The following TAPT1 variants were observed in gnomAD, a reference collection of about 807,000 sequenced individuals.
The protein encoded by TAPT1 is transmembrane anterior posterior transformation protein 1 homolog.
TAPT1 carries 28 observed loss-of-function variants against 65.6 expected under a neutral mutation model. That is an observed-to-expected ratio of 0.43 (90% confidence interval 0.32 to 0.59). The LOEUF is 0.59. Ranked by LOEUF, TAPT1 falls within the 20% of genes least tolerant of loss-of-function variation. The pLI is 0.09. For synonymous variants in TAPT1, 278 were observed against 245.2 expected (o/e 1.13, Z -1.25); for missense variants, 563 against 679.9 (o/e 0.83, Z 1.91).
intron 1 of TAPT1, among the ~76,000 whole-genome samples, chr4:16,216,366 C>T (rs1026111954): frequency 6.6e-6 from 1 of 152,222 alleles, no homozygotes; most frequent in African/African-American, 2.4e-5. Context: ...TATACCTACT[C>T]TGTTTCCTAC....
chr4:16,181,847 C>T (rs1018652789), intron 7 of TAPT1, among the ~76,000 whole-genome samples: 6 of 152,130 alleles, frequency 3.9e-5, no homozygotes, highest in Non-Finnish European at 5.9e-5. Context: ...GGATTACAGG[C>T]GTGAGCCACT....
At chr4:16,186,438 C>T in intron 7 of TAPT1, 97 bp downstream of exon 7, 3 of 757,276 alleles carry the variant, frequency 4.0e-6, no homozygotes, top group African/African-American at 3.5e-5. Flanking sequence ...ACAGTTTAAG[C>T]TGAAGAGTGG....
At chr4:16,198,702 C>T (rs951317588) in intron 3 of TAPT1, among the ~76,000 whole-genome samples, 1 of 152,080 alleles carries the variant, frequency 6.6e-6, no homozygotes, top group Non-Finnish European at 1.5e-5. Context: ...CATGACATCA[C>T]TACAGGCAAG....
At chr4:16,205,847 T>G (rs1452714410) in intron 2 of TAPT1, among the ~76,000 whole-genome samples, 1 of 152,202 alleles carries the variant, frequency 6.6e-6, no homozygotes, top group Non-Finnish European at 1.5e-5. Context: ...GCTCAAATTT[T>G]CATTCTTAGG....
At chr4:16,196,389 G>A (rs1268344030) in intron 3 of TAPT1, among the ~76,000 whole-genome samples, 1 of 152,222 alleles carries the variant, frequency 6.6e-6, no homozygotes, top group Non-Finnish European at 1.5e-5. Flanking sequence ...TGGGGATGAA[G>A]TATTTGCTAA....
At chr4:16,216,223 A>T (rs1167082231) in intron 1 of TAPT1, 1 of 152,228 alleles carries the variant, frequency 6.6e-6, no homozygotes, top group Non-Finnish European at 1.5e-5. Context: ...TCTCTTTGGT[A>T]GCCCTTCCTC....
At chr4:16,209,072 T>C (rs1464450710) in intron 2 of TAPT1, among the ~76,000 whole-genome samples, 20 of 152,100 alleles carry the variant, frequency 1.3e-4, no homozygotes. Context: ...CCACATTGCC[T>C]AGGTTGGCCA....
intron 2 of TAPT1, among the ~76,000 whole-genome samples, chr4:16,211,402 A>C (rs1272907784): frequency 1.3e-5 from 2 of 152,226 alleles, no homozygotes; most frequent in Non-Finnish European, 2.9e-5. Flanking sequence ...AGCAGAGTGA[A>C]TTCATGCAGT....
chr4:16,194,171 A>G (rs991849631), intron 3 of TAPT1, among the ~76,000 whole-genome samples: 4 of 152,268 alleles, frequency 2.6e-5, no homozygotes, highest in African/African-American at 9.6e-5. Context: ...CACATATCCC[A>G]AAATGATATA....
Position 16,160,679 on chromosome 4 carries a change from C to G in TAPT1, c.*2629G>C, listed in dbSNP as rs1287472614. On this transcript the variant is annotated 3_prime_UTR_variant, in exon 14 of 14. Transcript: ENST00000405303. ...TCCCACCACTTAGAACAGTTTCTGA[C>G]ACATAGGAAGTGATTAACAAATCTT... 1.3e-5 allele frequency: 2 copies of G among 152,148 alleles called. No individual in the cohort carries two copies. The highest frequency in any genetic ancestry group is 4.8e-5 in the African/African-American group (2 of 41,428). The allele number at this position is 152,148 out of a possible 1,614,324, so 9.4% of individuals were successfully genotyped here. A position where few individuals can be genotyped will look rare whatever the true frequency, so the allele number is the denominator to read the frequency against.
At chr4:16,196,781 G>A in intron 3 of TAPT1, 1 of 916,356 alleles carries the variant, frequency 1.1e-6, no homozygotes, top group Non-Finnish European at 1.5e-6. Flanking sequence ...GCTACTTAGA[G>A]CTCCATGGTG....
In TAPT1 at chr4:16,226,272, G is replaced by T; in HGVS notation, c.186C>A (p.Arg62=). ...FYESDRRRER[R]RGRTELSLLR... ...CGCCCGCCTCACCTGTGCGGCCCCG[G>T]CGCCTCTCCCGCCGCCGGTCGCTCT... is the stretch of plus-strand genomic sequence containing the variant. The change falls in exon 1 of 14, where the codon CGC becomes CGA. Residue 62 remains arginine, a synonymous_variant. Coordinates refer to ENST00000405303, the MANE Select transcript of TAPT1 (RefSeq NM_153365.3). 8.9e-7 allele frequency: 1 copy of T among 1,124,930 alleles called. No homozygotes were observed. The highest frequency in any genetic ancestry group is 1.1e-6 in the Non-Finnish European group (1 of 920,138). The allele number at this position is 1,124,930 out of a possible 1,614,324, so 69.7% of individuals were successfully genotyped here. A position where few individuals can be genotyped will look rare whatever the true frequency, so the allele number is the denominator to read the frequency against.
At chr4:16,223,450 T>G (rs1751374248) in intron 1 of TAPT1, among the ~76,000 whole-genome samples, 1 of 151,534 alleles carries the variant, frequency 6.6e-6, no homozygotes. Flanking sequence ...ACATCCAGAG[T>G]TCAAGGCCAG....
intron 3 of TAPT1, among the ~76,000 whole-genome samples, chr4:16,195,777 G>A (rs980875861): frequency 2.0e-5 from 3 of 152,092 alleles, no homozygotes; most frequent in Non-Finnish European, 2.9e-5. Context: ...GACGATCAAG[G>A]GTAAGCTGTT....
chr4:16,223,833 G>C (rs935539180), intron 1 of TAPT1, among the ~76,000 whole-genome samples: 4 of 152,132 alleles, frequency 2.6e-5, no homozygotes, highest in Non-Finnish European at 5.9e-5. Context: ...GAAAGAGTTT[G>C]GATAAGTACC....
At position 16,196,592 on chromosome 4, in the gene TAPT1, T is replaced by C. The variant is rs1221744924; in HGVS notation, c.450-5069A>G. 3 of 814,036 alleles carry C rather than the reference T, an allele frequency of 3.7e-6. No individual in the cohort carries two copies. In the African/African-American group the frequency reaches 5.3e-5, roughly 14 times the overall value. The allele number at this position is 814,036 out of a possible 1,614,324, so 50.4% of individuals were successfully genotyped here. On this transcript the variant is annotated intron_variant, in intron 3 of 13. Transcript: ENST00000405303. ...AATGGCTATGTCTGCCTATCCTGTT[T>C]ACTTTTGCATTTAATGAATGTCAAT...
chr4:16,218,829 G>T (rs1447853118), intron 1 of TAPT1, among the ~76,000 whole-genome samples: 1 of 152,056 alleles, frequency 6.6e-6, no homozygotes, highest in East Asian at 1.9e-4. Flanking sequence ...TGCAATCCTA[G>T]CTCTATCATT....
chr4:16,172,917 A>G (rs1748098686), intron 11 of TAPT1, among the ~76,000 whole-genome samples: 1 of 151,758 alleles, frequency 6.6e-6, no homozygotes, highest in South Asian at 2.1e-4. Flanking sequence ...CTTCCCTCCC[A>G]GGTTCAAGTG....
At position 16,162,478 on chromosome 4, in the gene TAPT1, T is replaced by C. The variant is rs1747317977; in HGVS notation, c.*830A>G. On this transcript the variant is annotated 3_prime_UTR_variant, in exon 14 of 14. Coordinates refer to ENST00000405303, the MANE Select transcript of TAPT1 (RefSeq NM_153365.3). ...CTTTTAGCTGTAATAATTTATGAAG[T>C]AATTAGTTTTAAAGCAAAATCAGTT... 6.5e-6 allele frequency: 1 copy of C among 152,818 alleles called. No homozygotes were observed. The highest frequency in any genetic ancestry group is 2.4e-5 in the African/African-American group (1 of 41,458). 9.5% of individuals were successfully genotyped at this position (152,818 alleles called of 1,614,324 possible). A position where few individuals can be genotyped will look rare whatever the true frequency, so the allele number is the denominator to read the frequency against.
Sources: gnomAD v4.1 joint callset for allele counts (sites outside exome capture counted in the v4.1 genomes callset) on GRCh38, gnomAD v4.1.1 for gene constraint, MANE v1.5 for transcripts, NCBI Gene and HGNC (gene_info 2026-07-23, HGNC 2026-07-21) for gene names.